The following GPR158 variants were observed in gnomAD, a reference collection of about 807,000 sequenced individuals.
GPR158 encodes the protein G protein-coupled receptor 158, also known as metabotropic glycine receptor.
Under a neutral mutation model 78.2 loss-of-function variants are expected in GPR158, and 30 were observed. That is an observed-to-expected ratio of 0.38 (90% CI 0.29 to 0.52). GPR158 has a LOEUF of 0.52. Among genes scored for constraint, GPR158 ranks in the 20% least tolerant of loss-of-function variants. GPR158 has a pLI of 0.83. For synonymous variants in GPR158, 581 were observed against 591.1 expected, an observed-to-expected ratio of 0.98 and a Z score of 0.25; for missense variants, 1,463 against 1,523.5, an observed-to-expected ratio of 0.96 and a Z score of 0.66.
intron 6 of GPR158, among the ~76,000 whole-genome samples, chr10:25,563,074 T>G (rs1268050024): frequency 1.4e-5 from 2 of 146,126 alleles, no homozygotes; most frequent in Non-Finnish European, 3.0e-5. Flanking sequence ...ATATCTTATC[T>G]GATATTAATA....
At chr10:25,247,493 G>C (rs1381469325) in intron 2 of GPR158, among the ~76,000 whole-genome samples, 2 of 104,386 alleles carry the variant, frequency 1.9e-5, no homozygotes, top group Non-Finnish European at 3.6e-5. Context: ...AGTCCCCAGA[G>C]TGTGATATTC....
In GPR158 at chr10:25,388,212, G is replaced by A. The variant is rs549574877; in HGVS notation, c.1009-7699G>A. On this transcript the variant is annotated intron_variant, in intron 2 of 10. Transcript: ENST00000376351. ...CTTCCTTATTCAGGGGTACAATAAT[G>A]ACGGCAATCGTGGGCCATCCAGAGC... Among the ~76,000 whole-genome samples the A allele has an allele frequency of 2.6e-5, 4 of 152,326 alleles. No homozygotes were observed. The East Asian group carries it at 7.7e-4, about 29-fold the overall frequency.
intron 6 of GPR158, among the ~76,000 whole-genome samples, chr10:25,564,850 T>G (rs2130724961): frequency 6.6e-6 from 1 of 152,350 alleles, no homozygotes; most frequent in African/African-American, 2.4e-5. Context: ...CTAACAGTTC[T>G]TGCTAGTGTG....
intron 2 of GPR158, among the ~76,000 whole-genome samples, chr10:25,312,264 T>TTATA (rs111692582): frequency 7.2e-5 from 11 of 151,942 alleles, no homozygotes; most frequent in African/African-American, 2.7e-4. Flanking sequence ...CATGACTTTG[T>TTATA]TATATATATA....
intron 2 of GPR158, among the ~76,000 whole-genome samples, chr10:25,263,462 C>G (rs1414589268): frequency 6.6e-6 from 1 of 152,130 alleles, no homozygotes; most frequent in African/African-American, 2.4e-5. Flanking sequence ...AGTCCTCCAA[C>G]TTTGTTCTCC....
At chr10:25,381,280 C>T (rs1834150755) in intron 2 of GPR158, among the ~76,000 whole-genome samples, 1 of 152,148 alleles carries the variant, frequency 6.6e-6, no homozygotes, top group African/African-American at 2.4e-5. Flanking sequence ...TATTTGGCAA[C>T]ATCAGATCAA....
At chr10:25,535,886 A>G (rs1453014535) in intron 5 of GPR158, among the ~76,000 whole-genome samples, 1 of 152,230 alleles carries the variant, frequency 6.6e-6, no homozygotes, top group Non-Finnish European at 1.5e-5. Flanking sequence ...TTGTTGATTC[A>G]AATGTGACAA....
At chr10:25,238,760 C>A (rs961532523) in intron 2 of GPR158, among the ~76,000 whole-genome samples, 13 of 152,284 alleles carry the variant, frequency 8.5e-5, no homozygotes, top group Non-Finnish European at 1.8e-4. Context: ...GCCAATCCAG[C>A]GGATCTTCCA....
chr10:25,393,580 C>T (rs182680765), intron 2 of GPR158: 5 of 152,112 alleles, frequency 3.3e-5, no homozygotes, highest in Non-Finnish European at 5.9e-5. Flanking sequence ...TGAAGTGTCC[C>T]GAGTCTCACC....
At chr10:25,184,830 A>G (rs1852658840) in intron 1 of GPR158, among the ~76,000 whole-genome samples, 2 of 152,254 alleles carry the variant, frequency 1.3e-5, no homozygotes, top group Admixed American at 1.3e-4. Context: ...GCAATTGTGA[A>G]GATAAGCATT....
chr10:25,414,770 A>G (rs760075913), intron 4 of GPR158, among the ~76,000 whole-genome samples: 1 of 152,122 alleles, frequency 6.6e-6, no homozygotes, highest in Middle Eastern at 3.2e-3. Context: ...TACATTCTCT[A>G]CTTATTGATA....
At chr10:25,262,075 C>G (rs978099029) in intron 2 of GPR158, among the ~76,000 whole-genome samples, 2 of 152,020 alleles carry the variant, frequency 1.3e-5, no homozygotes, top group Non-Finnish European at 2.9e-5. Flanking sequence ...GGTTTGGGAC[C>G]AAGTAGAATA....
chr10:25,391,782 T>A (rs369687538), intron 2 of GPR158, among the ~76,000 whole-genome samples: 2 of 152,096 alleles, frequency 1.3e-5, no homozygotes, highest in African/African-American at 4.8e-5. Flanking sequence ...TTTTGAAATG[T>A]GAGGACATGA....
intron 4 of GPR158, among the ~76,000 whole-genome samples, chr10:25,448,666 T>C (rs1438803058): frequency 6.6e-6 from 1 of 152,228 alleles, no homozygotes; most frequent in African/African-American, 2.4e-5. Flanking sequence ...CAGATGTGTG[T>C]TTAATTTTAT....
At chr10:25,551,901 A>G (rs1415835417) in intron 6 of GPR158, among the ~76,000 whole-genome samples, 2 of 152,178 alleles carry the variant, frequency 1.3e-5, no homozygotes, top group African/African-American at 4.8e-5. Flanking sequence ...CAACCATGGT[A>G]AGCCATTCAT....
chr10:25,357,219 T>A (rs1855566473), intron 2 of GPR158, among the ~76,000 whole-genome samples: 1 of 152,102 alleles, frequency 6.6e-6, no homozygotes, highest in Non-Finnish European at 1.5e-5. Flanking sequence ...AAGCATTCAC[T>A]TTTATAAGGG....
chr10:25,332,165 A>G (rs1855134571), intron 2 of GPR158, among the ~76,000 whole-genome samples: 2 of 152,236 alleles, frequency 1.3e-5, no homozygotes, highest in South Asian at 4.2e-4. Context: ...ATTCTGATTC[A>G]GTAGATGGGA....
intron 5 of GPR158, among the ~76,000 whole-genome samples, chr10:25,541,496 T>C (rs903473292): frequency 6.6e-6 from 1 of 152,106 alleles, no homozygotes; most frequent in Non-Finnish European, 1.5e-5. Context: ...CATGAAGAGA[T>C]TGTGTTCTAT....
chr10:25,390,077 C>T (rs538301583), intron 2 of GPR158, among the ~76,000 whole-genome samples: 80 of 152,118 alleles, frequency 5.3e-4, no homozygotes, highest in Non-Finnish European at 9.6e-4. Flanking sequence ...TGCTTTGGCT[C>T]CTCTTTTGCC....
Sources: allele counts gnomAD v4.1 joint callset (sites outside exome capture counted in the v4.1 genomes callset), GRCh38; gene constraint gnomAD v4.1.1; transcripts MANE v1.5; gene names NCBI Gene and HGNC (gene_info 2026-07-23, HGNC 2026-07-21).